Variants in HEATR1 observed in about 807,000 individuals in gnomAD.
HEATR1 encodes the protein HEAT repeat-containing protein 1.
In HEATR1, 77 loss-of-function variants were observed where a neutral mutation model predicts 248.2. That is an observed-to-expected ratio of 0.31 (90% CI 0.26 to 0.37). The LOEUF (loss-of-function observed/expected upper bound fraction) is 0.37. HEATR1 is among the 10% of genes least tolerant of loss of function. HEATR1 has a pLI of 1.00. For synonymous variants in HEATR1, 897 were observed against 923.1 expected, an observed-to-expected ratio of 0.97 and a Z score of 0.51; for missense variants, 2,420 against 2,504.9, an observed-to-expected ratio of 0.97 and a Z score of 0.72.
chr1:236,554,626 T>C lies in HEATR1; in HGVS notation c.6050A>G (p.Glu2017Gly), dbSNP rs2275687. ...TQHFISKERAEALMMPLVDQL... is the reference protein window; with the variant it reads ...TQHFISKERAGALMMPLVDQL... ...ATCCACCAGAGGCATCATCAAGGCT[T>C]CTGCTCTCTCTTTACTTATAAAATG... Residue 2017 changes from glutamate (E) to glycine (G), a missense_variant, in exon 42 of 45, where the codon GAA (glutamate) becomes GGA (glycine). Glu to Gly is a moderately conservative substitution (Grantham distance 98, BLOSUM62 -2). Coordinates refer to ENST00000366582, the MANE Select transcript of HEATR1 (RefSeq NM_018072.6). 1,060,077 of 1,610,758 alleles carry C rather than the reference T, an allele frequency of 0.66. 355,605 individuals are homozygous for C. The highest frequency in any genetic ancestry group is 0.7 in the Non-Finnish European group (821,945 of 1,178,448).
intron 8 of HEATR1, 143 bp from the exon 9 acceptor site, chr1:236,594,257 T>C: frequency 3.7e-6 from 2 of 545,082 alleles, no homozygotes; most frequent in Non-Finnish European, 6.4e-6. Flanking sequence ...CACAAGTGCA[T>C]TCCACTTATT....
intron 28 of HEATR1, 69 bp downstream of exon 28, chr1:236,571,282 T>C: frequency 6.6e-7 from 1 of 1,508,950 alleles, no homozygotes; most frequent in Admixed American, 2.3e-5. Context: ...AATCAACAGG[T>C]GCCAGTGCAT....
chr1:236,564,942 G>C (rs1362742631), intron 31 of HEATR1, among the ~76,000 whole-genome samples: 1 of 152,218 alleles, frequency 6.6e-6, no homozygotes, highest in East Asian at 1.9e-4. Context: ...ATCACGGAAG[G>C]AGTCTCTGAA....
intron 5 of HEATR1, among the ~76,000 whole-genome samples, chr1:236,597,501 C>T (rs551610454): frequency 2.9e-4 from 44 of 152,120 alleles, no homozygotes; most frequent in Non-Finnish European, 5.1e-4. Context: ...GATCCGCCTG[C>T]CTTGGCCTCC....
intron 44 of HEATR1, 150 bp from the exon 45 acceptor site, chr1:236,551,140 A>C: frequency 1.6e-6 from 1 of 617,016 alleles, no homozygotes. Flanking sequence ...AGGAGGCGCC[A>C]CGGACCGCCT....
At chr1:236,554,377 G>C (rs1332399700) in intron 42 of HEATR1, among the ~76,000 whole-genome samples, 1 of 152,176 alleles carries the variant, frequency 6.6e-6, no homozygotes, top group Non-Finnish European at 1.5e-5. Flanking sequence ...GGGTGACAGA[G>C]CAAGACCCTG....
At chr1:236,589,179 G>A (rs1214582918) in intron 12 of HEATR1, among the ~76,000 whole-genome samples, 5 of 151,862 alleles carry the variant, frequency 3.3e-5, no homozygotes, top group African/African-American at 1.2e-4. Flanking sequence ...AAGAAGGAAG[G>A]ATGAGAATAA....
chr1:236,594,192 A>G, intron 8 of HEATR1, 78 bp from the exon 9 acceptor site: 1 of 921,652 alleles, frequency 1.1e-6, no homozygotes, highest in Non-Finnish European at 1.7e-6. Flanking sequence ...CTTATAGCAG[A>G]AAATCGTTCT....
chr1:236,572,754 C>T lies in HEATR1; in HGVS notation c.3534G>A (p.Gln1178=), dbSNP rs1373412921. The T allele has an allele frequency of 3.1e-6, 5 of 1,613,972 alleles. No homozygotes were observed. Among genetic ancestry groups the T allele is most frequent in the South Asian group, 1.1e-5 (1 of 91,080 alleles). ...GCTGCATTTTTTGCCTTCTTTTTTG[C>T]TGAACTGTGCCCAAGGGTTTAGCTT... is the stretch of plus-strand genomic sequence containing the variant. The part of the protein sequence containing the change: ...PDKAKPLGTV[Q]QKRRQKMQQK... The change falls in exon 25 of 45, where the codon CAG becomes CAA. Residue 1178 remains glutamine (Q), a synonymous_variant. Transcript: ENST00000366582.
In HEATR1 at chr1:236,550,750, T is replaced by G. The variant is rs1572026566; in HGVS notation, c.*152A>C. On this transcript the variant is annotated 3_prime_UTR_variant, in exon 45 of 45. Coordinates refer to ENST00000366582, the MANE Select transcript of HEATR1 (RefSeq NM_018072.6). Reference sequence around the variant, plus strand: ...GGCTTATGTGGCAGCACAAGCCAGGTGGGGATTTTGTAAAGAAGTGATAAA... The same window carrying G: ...GGCTTATGTGGCAGCACAAGCCAGGGGGGGATTTTGTAAAGAAGTGATAAA... The G allele has an allele frequency of 5.1e-6, 3 of 591,304 alleles. No individual in the cohort carries two copies. Among genetic ancestry groups the G allele is most frequent in the Non-Finnish European group, 2.9e-6 (1 of 342,122 alleles). The allele number at this position is 591,304 out of a possible 1,614,324, so 36.6% of individuals were successfully genotyped here.
chr1:236,549,368 C>G lies in HEATR1; in HGVS notation c.*1534G>C. On this transcript the variant is annotated 3_prime_UTR_variant, in exon 45 of 45. Transcript: ENST00000366582. ...GGTCAGATCTTGTTACAGGAAATTT[C>G]AAAGGTTTGGGAGTGGGGAGGGAAA... 1 of 172,026 alleles carries G rather than the reference C, an allele frequency of 5.8e-6. No homozygotes were observed. Among genetic ancestry groups the G allele is most frequent in the Non-Finnish European group, 1.2e-5 (1 of 81,414 alleles). 10.7% of individuals were successfully genotyped at this position (172,026 alleles called of 1,614,324 possible).
Position 236,561,268 on chromosome 1 carries a change from C to A in HEATR1, c.4603G>T (p.Val1535Phe), listed in dbSNP as rs776704912. Residue 1535 changes from valine to phenylalanine, a missense_variant, in exon 33 of 45, where the codon GTT becomes TTT. Physicochemically the swap from Val to Phe is conservative, Grantham distance 50. Transcript: ENST00000366582. ...AAAATCTCAGGACCACCACTCTCAA[C>A]TACCTAATTTTTAAAGAAGACGTCA... ...LSSNNFLKKV[V>F]ESGGPEILKG... 6 of 1,609,740 alleles carry A rather than the reference C, an allele frequency of 3.7e-6. No homozygotes were observed. In the Middle Eastern group the frequency reaches 5.0e-4, roughly 133 times the overall value.
chr1:236,587,019 G>T (rs1663905393), intron 14 of HEATR1, among the ~76,000 whole-genome samples: 1 of 152,042 alleles, frequency 6.6e-6, no homozygotes, highest in African/African-American at 2.4e-5. Flanking sequence ...ACCACAGATG[G>T]TATCATGTGT....
Position 236,571,617 on chromosome 1 carries a change from C to A in HEATR1, c.3777G>T (p.Leu1259=). 2 of 1,614,138 alleles carry A rather than the reference C, an allele frequency of 1.2e-6. No homozygotes were observed. The highest frequency in any genetic ancestry group is 1.7e-6 in the Non-Finnish European group (2 of 1,179,942). Residue 1259 remains leucine (L), a synonymous_variant, in exon 27 of 45, where the codon CTG becomes CTT. Transcript: ENST00000366582. The part of the protein sequence containing the change: ...EYTKQLILSC[L]LNICQKLSPD... ...GAGATAGTTTTTGGCAGATGTTGAG[C>A]AGACAACTAAGAATTAATTGTTTGG...
intron 33 of HEATR1, among the ~76,000 whole-genome samples, chr1:236,560,167 G>A (rs992019094): frequency 6.6e-6 from 1 of 152,090 alleles, no homozygotes; most frequent in Non-Finnish European, 1.5e-5. Flanking sequence ...TCCAAGTGGG[G>A]TGTTCAGGGA....
intron 2 of HEATR1, 72 bp from the exon 3 acceptor site, chr1:236,603,448 T>C: frequency 8.3e-7 from 1 of 1,201,488 alleles, no homozygotes; most frequent in East Asian, 2.3e-5. Context: ...TCTTTTACAG[T>C]TTTACTTACC....
Position 236,590,930 on chromosome 1 carries a change from A to G in HEATR1, c.1447T>C (p.Leu483=), listed in dbSNP as rs1231075624. The G allele has an allele frequency of 6.7e-7, 1 of 1,500,884 alleles. No individual in the cohort carries two copies. The highest frequency in any genetic ancestry group is 9.0e-7 in the Non-Finnish European group (1 of 1,114,790). 93.0% of individuals were successfully genotyped at this position (1,500,884 alleles called of 1,614,324 possible). Residue 483 remains leucine (L), a synonymous_variant, in exon 12 of 45, where the codon TTG becomes CTG. Transcript: ENST00000366582. The part of the protein sequence containing the change: ...YQFLADSDTS[L]MLSLNHPLAP... ...AGTGGATGATTCAGGCTGAGCATCA[A>G]AGAAGTATCAGAATCTGCTAAAAAC...
chr1:236,587,557 G>T (rs999981227), intron 13 of HEATR1, 67 bp from the exon 14 acceptor site: 1 of 626,262 alleles, frequency 1.6e-6, no homozygotes, highest in Non-Finnish European at 2.5e-6. Context: ...CTTTTTAAAT[G>T]CGAATTTTAA....
At chr1:236,555,717 G>C (rs1662951274) in intron 39 of HEATR1, 62 bp from the exon 40 acceptor site, 4 of 1,604,764 alleles carry the variant, frequency 2.5e-6, no homozygotes, top group Non-Finnish European at 3.4e-6. Context: ...ATTTTGGCAA[G>C]TACCACTGTT....
Sources: gnomAD v4.1 joint callset for allele counts (sites outside exome capture counted in the v4.1 genomes callset) on GRCh38, gnomAD v4.1.1 for gene constraint, MANE v1.5 for transcripts, NCBI Gene and HGNC (gene_info 2026-07-23, HGNC 2026-07-21) for gene names.